SLC25A31: variants seen among roughly 807,000 people sequenced by gnomAD.
The protein encoded by SLC25A31 is solute carrier family 25 member 31.
SLC25A31 carries 40 observed loss-of-function variants against 36.2 expected under a neutral mutation model. The ratio of observed to expected loss-of-function variants is 1.10; its 90% CI spans 0.86 to 1.44. SLC25A31 has a LOEUF of 1.44. SLC25A31 is among the 40% of genes most tolerant of loss of function. The pLI is 0.00. For synonymous variants in SLC25A31, 143 were observed against 149.7 expected, an observed-to-expected ratio of 0.96 and a Z score of 0.32; for missense variants, 350 against 397.1, an observed-to-expected ratio of 0.88 and a Z score of 1.01.
At chr4:127,743,525 GATATACATGTAAA>G (rs1731770511) in intron 1 of SLC25A31, among the ~76,000 whole-genome samples, 1 of 152,178 alleles carries the variant, frequency 6.6e-6, no homozygotes, top group Non-Finnish European at 1.5e-5. Context: ...TTGATTACAT[GATATACATGTAAA>G]TCCTTTGCCA....
intron 4 of SLC25A31, among the ~76,000 whole-genome samples, 188 bp downstream of exon 4, chr4:127,767,408 T>C (rs1732266642): frequency 6.6e-6 from 1 of 152,246 alleles, no homozygotes; most frequent in Admixed American, 6.5e-5. Flanking sequence ...GCAGTATGGA[T>C]CTGACTTTAG....
intron 5 of SLC25A31, among the ~76,000 whole-genome samples, chr4:127,771,049 C>T (rs894008931): frequency 2.0e-5 from 3 of 150,852 alleles, no homozygotes; most frequent in Non-Finnish European, 3.0e-5. Flanking sequence ...CTCTGCCTCC[C>T]AGGTTCTAGC....
intron 4 of SLC25A31, among the ~76,000 whole-genome samples, chr4:127,767,559 G>A (rs1375835499): frequency 6.6e-6 from 1 of 152,124 alleles, no homozygotes; most frequent in African/African-American, 2.4e-5. Context: ...CTGATTTTAT[G>A]TTAACCCTAT....
At chr4:127,761,027 T>C (rs1732119201) in intron 2 of SLC25A31, among the ~76,000 whole-genome samples, 1 of 152,198 alleles carries the variant, frequency 6.6e-6, no homozygotes, top group South Asian at 2.1e-4. Context: ...TACTACCTTT[T>C]CTGGGTCTGT....
intron 1 of SLC25A31, among the ~76,000 whole-genome samples, chr4:127,739,302 C>T (rs1291068306): frequency 2.6e-5 from 4 of 152,104 alleles, no homozygotes; most frequent in African/African-American, 7.2e-5. Flanking sequence ...TAACTAAATT[C>T]TCTTAGCACT....
At chr4:127,762,134 C>T (rs1431202513) in intron 2 of SLC25A31, among the ~76,000 whole-genome samples, 1 of 152,148 alleles carries the variant, frequency 6.6e-6, no homozygotes, top group Non-Finnish European at 1.5e-5. Context: ...CTGACTTGCT[C>T]TGTGAAATAA....
intron 5 of SLC25A31, among the ~76,000 whole-genome samples, chr4:127,770,232 C>T (rs58184156): frequency 0.03 from 4,626 of 152,226 alleles, 303 homozygotes; most frequent in East Asian, 0.26. Context: ...AATTAATTTG[C>T]ACGTAGACTA....
chr4:127,736,102 G>A (rs1026873911), intron 1 of SLC25A31, among the ~76,000 whole-genome samples: 3 of 151,344 alleles, frequency 2.0e-5, no homozygotes, highest in African/African-American at 7.3e-5. Context: ...TGTTAGCCAG[G>A]ATGGTCTCGA....
At chr4:127,762,115 C>A (rs371226134) in intron 2 of SLC25A31, among the ~76,000 whole-genome samples, 1 of 152,260 alleles carries the variant, frequency 6.6e-6, no homozygotes, top group East Asian at 1.9e-4. Context: ...TATCTCTGGG[C>A]AAGACCTCCT....
At chr4:127,735,893 TTTA>T (rs370617944) in intron 1 of SLC25A31, among the ~76,000 whole-genome samples, 4,005 of 68,580 alleles carry the variant, frequency 0.058, 113 homozygotes, top group Non-Finnish European at 0.069. Context: ...TATTTATTTA[TTTA>T]TTTTTTTTTT....
intron 2 of SLC25A31, among the ~76,000 whole-genome samples, chr4:127,750,140 AG>A (rs1332691112): frequency 6.6e-6 from 1 of 152,198 alleles, no homozygotes; most frequent in Non-Finnish European, 1.5e-5. Flanking sequence ...CAAAAGCTAA[AG>A]GAGTTCATCA....
At chr4:127,772,111 C>T (rs982932425) in intron 5 of SLC25A31, among the ~76,000 whole-genome samples, 1 of 152,144 alleles carries the variant, frequency 6.6e-6, no homozygotes, top group Non-Finnish European at 1.5e-5. Flanking sequence ...GGAGTCATCC[C>T]ACTTTTTCTC....
At chr4:127,763,205 A>T (rs1217930450) in intron 2 of SLC25A31, among the ~76,000 whole-genome samples, 1 of 152,202 alleles carries the variant, frequency 6.6e-6, no homozygotes, top group Non-Finnish European at 1.5e-5. Context: ...GTATGATCAT[A>T]TACAGTTTCA....
chr4:127,764,891 A>G (rs772976926), intron 3 of SLC25A31, among the ~76,000 whole-genome samples: 3 of 152,220 alleles, frequency 2.0e-5, no homozygotes, highest in Non-Finnish European at 2.9e-5. Context: ...TAAGACATAT[A>G]TGAAAGTCTG....
At chr4:127,755,140 T>A (rs1732005785) in intron 2 of SLC25A31, among the ~76,000 whole-genome samples, 1 of 151,966 alleles carries the variant, frequency 6.6e-6, no homozygotes, top group Non-Finnish European at 1.5e-5. Context: ...TACAAAAAAA[T>A]TAAAACATAT....
chr4:127,765,247 T>A (rs1398557087), intron 3 of SLC25A31, among the ~76,000 whole-genome samples: 1 of 152,182 alleles, frequency 6.6e-6, no homozygotes, highest in Non-Finnish European at 1.5e-5. Flanking sequence ...CTGGAAGTAG[T>A]AGTTAGTTCC....
chr4:127,747,672 A>G (rs1291045281), intron 2 of SLC25A31, among the ~76,000 whole-genome samples: 2 of 152,170 alleles, frequency 1.3e-5, no homozygotes, highest in African/African-American at 4.8e-5. Context: ...TGTGAAATGC[A>G]TAGCATAGTA....
At chr4:127,751,736 A>G (rs975810051) in intron 2 of SLC25A31, among the ~76,000 whole-genome samples, 8 of 152,192 alleles carry the variant, frequency 5.3e-5, no homozygotes, top group African/African-American at 1.9e-4. Context: ...GAAAAAAACA[A>G]CCCCATCAAA....
At chr4:127,762,918 T>A (rs1395355293) in intron 2 of SLC25A31, among the ~76,000 whole-genome samples, 3 of 148,222 alleles carry the variant, frequency 2.0e-5, no homozygotes, top group African/African-American at 7.5e-5. Flanking sequence ...AGCGAGACTC[T>A]GTCTCAAAAA....
Sources: allele counts gnomAD v4.1 joint callset (sites outside exome capture counted in the v4.1 genomes callset), GRCh38; gene constraint gnomAD v4.1.1; transcripts MANE v1.5; gene names NCBI Gene and HGNC (gene_info 2026-07-23, HGNC 2026-07-21).